ZBBX: variants seen among roughly 807,000 people sequenced by gnomAD.
The protein encoded by ZBBX is zinc finger B-box domain containing, also known as zinc finger B-box domain-containing protein 1.
ZBBX carries 101 observed loss-of-function variants against 108.5 expected under a neutral mutation model. The ratio of observed to expected loss-of-function variants is 0.93; its 90% CI spans 0.79 to 1.10. The LOEUF (loss-of-function observed/expected upper bound fraction) is 1.10. ZBBX is among the 50% of genes least tolerant of loss of function. ZBBX has a pLI of 0.00. For synonymous variants in ZBBX, 356 were observed against 323.4 expected, an observed-to-expected ratio of 1.10 and a Z score of -1.08; for missense variants, 1,009 against 941.4, an observed-to-expected ratio of 1.07 and a Z score of -0.94.
intron 11 of ZBBX, among the ~76,000 whole-genome samples, chr3:167,323,185 A>G: frequency 7.2e-6 from 1 of 138,320 alleles, no homozygotes; most frequent in African/African-American, 2.6e-5. Flanking sequence ...TGCCTCCACT[A>G]TGAGTCCCCC....
downstream of ZBBX, among the ~76,000 whole-genome samples, chr3:167,238,566 T>G (rs1296631320): frequency 6.6e-6 from 1 of 152,014 alleles, no homozygotes; most frequent in Non-Finnish European, 1.5e-5. Context: ...GTATCAAAGG[T>G]AAATTTACAC....
At chr3:167,232,470 G>T in the ZBBX span, among the ~76,000 whole-genome samples, 2 of 151,832 alleles carry the variant, frequency 1.3e-5, no homozygotes, top group African/African-American at 4.8e-5. Context: ...GTTGGATTTA[G>T]TTCCTCCTCC....
chr3:167,256,342 G>A (rs1576790068), intron 20 of ZBBX, among the ~76,000 whole-genome samples: 1 of 152,006 alleles, frequency 6.6e-6, no homozygotes, highest in East Asian at 1.9e-4. Flanking sequence ...CATAGTAGGT[G>A]TATATATTTA....
At chr3:167,216,778 A>G in the ZBBX span, among the ~76,000 whole-genome samples, 1 of 152,214 alleles carries the variant, frequency 6.6e-6, no homozygotes, top group South Asian at 2.1e-4. Flanking sequence ...ACAGGGATAT[A>G]GACCAACGGA....
rs1257949263 is a variant in ZBBX at position 167,360,925 on chromosome 3, G to T, written c.274-202C>A. Reference sequence around the variant, plus strand: ...TAATCTAATAGAAATTCATAAAAAAGAAAATAAATTTTAAAAATATATCTA... The same window carrying T: ...TAATCTAATAGAAATTCATAAAAAATAAAATAAATTTTAAAAATATATCTA... On this transcript the variant is annotated intron_variant, in intron 6 of 21. Coordinates refer to ENST00000675490, the MANE Select transcript of ZBBX (RefSeq NM_001199201.2). Among the ~76,000 whole-genome samples the T allele has an allele frequency of 6.6e-5, 10 of 151,732 alleles. No homozygotes were observed. In the South Asian group the frequency reaches 1.7e-3, roughly 25 times the overall value.
chr3:167,340,954 T>C (rs777780214), intron 9 of ZBBX, among the ~76,000 whole-genome samples: 3 of 151,948 alleles, frequency 2.0e-5, no homozygotes, highest in South Asian at 2.1e-4. Context: ...AAAACAGATA[T>C]GGTATTTGCA....
chr3:167,265,528 G>T (rs1043515632), intron 20 of ZBBX, among the ~76,000 whole-genome samples: 3 of 152,136 alleles, frequency 2.0e-5, no homozygotes, highest in Non-Finnish European at 2.9e-5. Context: ...TTGTTGCTAT[G>T]AGCTGCATAG....
At chr3:167,398,487 G>C (rs2108641567) in intron 1 of ZBBX, among the ~76,000 whole-genome samples, 1 of 151,932 alleles carries the variant, frequency 6.6e-6, no homozygotes, top group South Asian at 2.1e-4. Flanking sequence ...TAGAATTATA[G>C]GCCTTAAATT....
chr3:167,276,263 G>A (rs1325543522), intron 20 of ZBBX, among the ~76,000 whole-genome samples: 2 of 152,356 alleles, frequency 1.3e-5, no homozygotes, highest in East Asian at 3.9e-4. Context: ...CGAGCTGAGA[G>A]AAGAAGGCTT....
At chr3:167,205,215 G>A in the ZBBX span, among the ~76,000 whole-genome samples, 1 of 152,048 alleles carries the variant, frequency 6.6e-6, no homozygotes, top group Non-Finnish European at 1.5e-5. Context: ...TTACACTGAA[G>A]AGCTTTATAA....
the ZBBX span, among the ~76,000 whole-genome samples, chr3:167,205,273 C>T: frequency 6.6e-6 from 1 of 151,962 alleles, no homozygotes; most frequent in African/African-American, 2.4e-5. Flanking sequence ...GAAGGGATGA[C>T]ACTATGAGGA....
chr3:167,360,744 CTATT>C, intron 6 of ZBBX, 21 bp from the exon 7 acceptor site: 1 of 1,364,196 alleles, frequency 7.3e-7, no homozygotes. Flanking sequence ...AAAATAGATA[CTATT>C]TGTCAGGTAT....
At chr3:167,293,783 A>G (rs1252862516) in intron 18 of ZBBX, among the ~76,000 whole-genome samples, 1 of 152,206 alleles carries the variant, frequency 6.6e-6, no homozygotes, top group Non-Finnish European at 1.5e-5. Flanking sequence ...ACATGATTGT[A>G]TATTTAGAAA....
chr3:167,247,791 C>A (rs1721847558), intron 20 of ZBBX, among the ~76,000 whole-genome samples: 1 of 152,092 alleles, frequency 6.6e-6, no homozygotes, highest in South Asian at 2.1e-4. Flanking sequence ...GGGAGCTCTG[C>A]CAGGATCCTG....
intron 6 of ZBBX, among the ~76,000 whole-genome samples, chr3:167,365,256 G>A (rs1234362050): frequency 1.3e-5 from 2 of 151,762 alleles, no homozygotes; most frequent in Non-Finnish European, 3.0e-5. Flanking sequence ...AATAAAAACT[G>A]TGTAAGCTAA....
chr3:167,317,770 T>TA (rs927575614), intron 12 of ZBBX, among the ~76,000 whole-genome samples, 173 bp from the exon 13 acceptor site: 15 of 151,426 alleles, frequency 9.9e-5, no homozygotes, highest in East Asian at 7.7e-4. Context: ...CTTAATGTAC[T>TA]AAAAAAAAAC....
chr3:167,350,805 T>C (rs370734949), intron 8 of ZBBX, among the ~76,000 whole-genome samples: 1 of 152,136 alleles, frequency 6.6e-6, no homozygotes, highest in African/African-American at 2.4e-5. Flanking sequence ...TTTAGATGCA[T>C]GGATGTATGC....
the ZBBX span, among the ~76,000 whole-genome samples, chr3:167,198,877 A>G: frequency 6.6e-6 from 1 of 152,210 alleles, no homozygotes; most frequent in Admixed American, 6.5e-5. Flanking sequence ...TTTAAAAATG[A>G]AAGTAAAGGT....
At chr3:167,406,063 TA>T (rs528284857) in intron 1 of ZBBX, among the ~76,000 whole-genome samples, 20 of 150,232 alleles carry the variant, frequency 1.3e-4, no homozygotes, top group African/African-American at 2.7e-4. Context: ...AGACTCAGTC[TA>T]AAAAAAAAAT....
Sources: allele counts gnomAD v4.1 joint callset (sites outside exome capture counted in the v4.1 genomes callset), GRCh38; gene constraint gnomAD v4.1.1; transcripts MANE v1.5; gene names NCBI Gene and HGNC (gene_info 2026-07-23, HGNC 2026-07-21).